Variants in PCMTD1 observed in about 807,000 individuals in gnomAD.
The protein encoded by PCMTD1 is protein-L-isoaspartate O-methyltransferase domain-containing protein 1.
PCMTD1 carries 12 observed loss-of-function variants against 37.6 expected under a neutral mutation model. The observed-to-expected ratio is 0.32, with a 90% CI of 0.20 to 0.52. PCMTD1 has a LOEUF of 0.52. Ranked by LOEUF, PCMTD1 falls within the 20% of genes least tolerant of loss-of-function variation. PCMTD1 has a pLI of 0.97. For synonymous variants in PCMTD1, 117 were observed against 135.8 expected (o/e 0.86, Z 0.96); for missense variants, 235 against 421.3 (o/e 0.56, Z 3.87).
At chr8:51,873,920 CTTTTTT>C (rs573068659) in intron 1 of PCMTD1, among the ~76,000 whole-genome samples, 2 of 142,584 alleles carry the variant, frequency 1.4e-5, no homozygotes, top group African/African-American at 5.1e-5. Flanking sequence ...TTTTCTTTTT[CTTTTTT>C]TTTTTGAGAC....
In PCMTD1 at chr8:51,850,960, C is replaced by T. The variant is rs542284851; in HGVS notation, c.308-5197G>A. The stretch of plus-strand genomic sequence containing the variant: ...GTATAATGCACAAAAATAAAACAGA[C>T]CAAAGGTGAATAAAGGAAAAAGGAG... On this transcript the variant is annotated intron_variant, in intron 2 of 5. Coordinates refer to ENST00000522514, the MANE Select transcript of PCMTD1 (RefSeq NM_052937.4). Among the ~76,000 whole-genome samples, 7 of 151,952 alleles carry T rather than the reference C, an allele frequency of 4.6e-5. No individual in the cohort carries two copies. In the East Asian group the frequency reaches 1.2e-3, roughly 25 times the overall value.
rs2037778357 is a variant in PCMTD1 at position 51,817,691 on chromosome 8, T to C, written c.*2660A>G. 3.6e-6 allele frequency: 1 copy of C among 277,448 alleles called. No homozygotes were observed. Among genetic ancestry groups the C allele is most frequent in the Non-Finnish European group, 7.1e-6 (1 of 140,526 alleles). The allele number at this position is 277,448 out of a possible 1,614,324, so 17.2% of individuals were successfully genotyped here. ...AAACAGCTATAAATCAACACACTTT[T>C]TGTATTTTATTTTACTACTATGTAT... On this transcript the variant is annotated 3_prime_UTR_variant, in exon 6 of 6. Transcript: ENST00000522514.
At chr8:51,855,556 A>T (rs77603091) in intron 2 of PCMTD1, among the ~76,000 whole-genome samples, 12 of 108,150 alleles carry the variant, frequency 1.1e-4, no homozygotes, top group Middle Eastern at 4.8e-3. Context: ...CAAACAAAAA[A>T]TTCCTTTTAA....
intron 1 of PCMTD1, among the ~76,000 whole-genome samples, chr8:51,885,621 A>C (rs995621639): frequency 4.6e-5 from 7 of 152,204 alleles, no homozygotes; most frequent in Non-Finnish European, 1.0e-4. Context: ...AAACTCCTTA[A>C]ATTTCATGTA....
chr8:51,897,731 A>C (rs2129297481), intron 1 of PCMTD1, among the ~76,000 whole-genome samples: 1 of 152,300 alleles, frequency 6.6e-6, no homozygotes, highest in South Asian at 2.1e-4. Flanking sequence ...GATTATTGAA[A>C]ACTTGGCGAC....
chr8:51,836,259 C>G (rs2038064557), intron 3 of PCMTD1, among the ~76,000 whole-genome samples: 1 of 151,598 alleles, frequency 6.6e-6, no homozygotes, highest in African/African-American at 2.4e-5. Context: ...ACAAGTAAAC[C>G]CTTAAAATGT....
chr8:51,868,016 G>A lies in PCMTD1; in HGVS notation c.-95-6770C>T, dbSNP rs190868494. 2.6e-3 allele frequency among the ~76,000 whole-genome samples: 398 copies of A among 152,156 alleles called. 3 individuals are homozygous for A. The highest frequency in any genetic ancestry group is 4.6e-3 in the Non-Finnish European group (312 of 67,970). On this transcript the variant is annotated intron_variant, in intron 1 of 5. Transcript: ENST00000522514. Reference sequence around the variant, plus strand: ...ACCATACAAAATGATAGCTTTGAGAGGCAAATTTTTTAACTGGCCTGATTT... The same window carrying A: ...ACCATACAAAATGATAGCTTTGAGAAGCAAATTTTTTAACTGGCCTGATTT...
rs1404011216 is a variant in PCMTD1 at position 51,861,193 on chromosome 8, A to C, written c.-42T>G. 6.5e-7 allele frequency: 1 copy of C among 1,529,298 alleles called. No individual in the cohort carries two copies. The highest frequency in any genetic ancestry group is 2.3e-5 in the East Asian group (1 of 43,646). The allele number at this position is 1,529,298 out of a possible 1,614,324, so 94.7% of individuals were successfully genotyped here. On this transcript the variant is annotated 5_prime_UTR_variant, in exon 2 of 6. The change creates a new upstream start codon in the 5' untranslated region. Coordinates refer to ENST00000522514, the MANE Select transcript of PCMTD1 (RefSeq NM_052937.4). ...AATCATAAATTTAAAAGTGAAATAA[A>C]ATTAGTAGAAATGGCTTCCAATATT...
chr8:51,877,050 ACTT>A (rs1236685326), intron 1 of PCMTD1, among the ~76,000 whole-genome samples: 1 of 152,238 alleles, frequency 6.6e-6, no homozygotes, highest in Admixed American at 6.5e-5. Flanking sequence ...GTCAAAACTA[ACTT>A]CACCAACATT....
At chr8:51,863,187 G>T (rs796470280) in intron 1 of PCMTD1, among the ~76,000 whole-genome samples, 13 of 152,268 alleles carry the variant, frequency 8.5e-5, no homozygotes, top group African/African-American at 3.1e-4. Context: ...GATTTCATAA[G>T]AATAATTCTG....
At chr8:51,850,271 CTGTTGTTA>C (rs1189667189) in intron 2 of PCMTD1, among the ~76,000 whole-genome samples, 1 of 152,130 alleles carries the variant, frequency 6.6e-6, no homozygotes, top group African/African-American at 2.4e-5. Context: ...AATCGACAAA[CTGTTGTTA>C]AAAAATTATG....
intron 1 of PCMTD1, among the ~76,000 whole-genome samples, chr8:51,881,631 G>T (rs1212791845): frequency 3.5e-5 from 3 of 86,556 alleles, no homozygotes; most frequent in Admixed American, 1.3e-4. Flanking sequence ...ACACTTAGTA[G>T]TTGCCTGGCA....
intron 5 of PCMTD1, among the ~76,000 whole-genome samples, chr8:51,825,256 C>A (rs2037905730): frequency 1.3e-5 from 2 of 152,162 alleles, no homozygotes; most frequent in East Asian, 3.8e-4. Flanking sequence ...AGTGAACAGA[C>A]AACCTACAGA....
intron 2 of PCMTD1, among the ~76,000 whole-genome samples, chr8:51,854,515 G>A (rs2038354645): frequency 6.6e-6 from 1 of 152,192 alleles, no homozygotes; most frequent in South Asian, 2.1e-4. Flanking sequence ...TTCATAAAAT[G>A]TGATTAGCCT....
At chr8:51,886,442 C>A (rs1287418112) in intron 1 of PCMTD1, among the ~76,000 whole-genome samples, 1 of 152,158 alleles carries the variant, frequency 6.6e-6, no homozygotes, top group Non-Finnish European at 1.5e-5. Context: ...CAATGAACTT[C>A]AAGATGATCA....
chr8:51,840,538 GA>G (rs1169408773), intron 3 of PCMTD1, among the ~76,000 whole-genome samples: 1 of 151,934 alleles, frequency 6.6e-6, no homozygotes, highest in Admixed American at 6.6e-5. Context: ...TCACATATTT[GA>G]GAAATATTTT....
At chr8:51,848,562 CTT>C (rs2038257562) in intron 2 of PCMTD1, among the ~76,000 whole-genome samples, 2 of 152,164 alleles carry the variant, frequency 1.3e-5, no homozygotes, top group African/African-American at 4.8e-5. Context: ...CCACTGGTCT[CTT>C]TTTCGTTTTA....
intron 1 of PCMTD1, among the ~76,000 whole-genome samples, chr8:51,897,275 C>G (rs1050744144): frequency 6.6e-6 from 1 of 152,196 alleles, no homozygotes; most frequent in African/African-American, 2.4e-5. Context: ...TGGGAATTTC[C>G]TAGCTTTCTG....
At chr8:51,851,178 A>G (rs1045155260) in intron 2 of PCMTD1, among the ~76,000 whole-genome samples, 10 of 152,238 alleles carry the variant, frequency 6.6e-5, no homozygotes, top group East Asian at 1.9e-4. Flanking sequence ...TCTGAAGCTA[A>G]TAAGATCAGA....
Sources: gnomAD v4.1 joint callset for allele counts (sites outside exome capture counted in the v4.1 genomes callset) on GRCh38, gnomAD v4.1.1 for gene constraint, MANE v1.5 for transcripts, NCBI Gene and HGNC (gene_info 2026-07-23, HGNC 2026-07-21) for gene names.